The following NMUR1 variants were observed in gnomAD, a reference collection of about 807,000 sequenced individuals.
NMUR1 encodes neuromedin-U receptor 1.
Under a neutral mutation model 18.8 loss-of-function variants are expected in NMUR1, and 16 were observed. That is an observed-to-expected ratio of 0.85 (90% confidence interval 0.58 to 1.29). The LOEUF (loss-of-function observed/expected upper bound fraction) is 1.29, where lower values mean the gene tolerates loss of function less well. NMUR1 is among the 50% of genes most tolerant of loss of function. The pLI is 0.00. For synonymous variants in NMUR1, 258 were observed against 258.2 expected (o/e 1.00, Z 0.01); for missense variants, 529 against 580.3 (o/e 0.91, Z 0.91).
downstream of NMUR1, among the ~76,000 whole-genome samples, chr2:231,522,821 C>A (rs187269170): frequency 3.2e-4 from 49 of 152,308 alleles, no homozygotes; most frequent in East Asian, 6.4e-3. Context: ...CACTCCCCAC[C>A]CCCAGCCTCT....
At chr2:231,519,915 G>A (rs991150632), downstream of NMUR1, among the ~76,000 whole-genome samples, 6 of 152,150 alleles carry the variant, frequency 3.9e-5, no homozygotes, top group African/African-American at 1.4e-4. Flanking sequence ...AACATAGTGA[G>A]ACCCTGTCTC....
downstream of NMUR1, among the ~76,000 whole-genome samples, chr2:231,520,335 G>T (rs1025678174): frequency 1.3e-5 from 2 of 152,234 alleles, no homozygotes; most frequent in African/African-American, 4.8e-5. Context: ...TGCTGTCAGT[G>T]CTGCTGCCCC....
rs1433442030 is a variant in NMUR1, at chr2:231,530,378, G to T, written c.-17C>A. On this transcript the variant is annotated 5_prime_UTR_variant, in exon 1 of 3. Transcript: ENST00000305141. ...ACCTACCATGCGGCCCGCGGCCCGC[G>T]AGACCCCGGCTTCCACCCTCCGAGC... 2 of 1,486,260 alleles carry T rather than the reference G, an allele frequency of 1.3e-6. No individual in the cohort carries two copies. The allele number at this position is 1,486,260 out of a possible 1,614,324, so 92.1% of individuals were successfully genotyped here. A position where few individuals can be genotyped will look rare whatever the true frequency, so the allele number is the denominator to read the frequency against.
Position 231,530,355 on chromosome 2 carries a change from C to T in NMUR1, c.3+4G>A, listed in dbSNP as rs2047402604. On this transcript the variant is annotated splice_donor_region_variant and intron_variant, in intron 1 of 2. Transcript: ENST00000305141. ...CTAGCCCACGCCGGCGCCTGCGCACCTACCATGCGGCCCGCGGCCCGCGAG... is the reference window on the plus strand; with the variant it reads ...CTAGCCCACGCCGGCGCCTGCGCACTTACCATGCGGCCCGCGGCCCGCGAG... The T allele has an allele frequency of 2.0e-6, 3 of 1,491,346 alleles. No individual in the cohort carries two copies. The highest frequency in any genetic ancestry group is 4.4e-5 in the Admixed American group (2 of 45,424). 92.4% of individuals were successfully genotyped at this position (1,491,346 alleles called of 1,614,324 possible).
rs144323176 is a variant in NMUR1, at chr2:231,523,562, C to T, written c.*1481G>A. The T allele has an allele frequency of 2.0e-5, 4 of 195,530 alleles. No homozygotes were observed. Among genetic ancestry groups the T allele is most frequent in the African/African-American group, 2.3e-5 (1 of 43,718 alleles). 12.1% of individuals were successfully genotyped at this position (195,530 alleles called of 1,614,324 possible). A position where few individuals can be genotyped will look rare whatever the true frequency, so the allele number is the denominator to read the frequency against. On this transcript the variant is annotated 3_prime_UTR_variant, in exon 3 of 3. Transcript: ENST00000305141. The stretch of plus-strand genomic sequence containing the variant: ...ACTAAACATCTGCAACCCTGTACCA[C>T]GTCCTCCACTTTCTCGGCAGGGAGC...
In NMUR1 at chr2:231,525,483, C is replaced by T. The variant is rs7557450; in HGVS notation, c.899-58G>A. ...GCCCGAGGCCCCTCAGCTGCCTTCC[C>T]GGGCTTCAGTTTGGGTCACCCATTT... On this transcript the variant is annotated intron_variant, in intron 2 of 2. Transcript: ENST00000305141. The T allele has an allele frequency of 3.7e-3, 5,673 of 1,541,134 alleles. 188 individuals are homozygous for T. The African/African-American group carries it at 0.069, about 19-fold the overall frequency.
At chr2:231,522,371 G>A (rs1156336317), downstream of NMUR1, among the ~76,000 whole-genome samples, 1 of 151,814 alleles carries the variant, frequency 6.6e-6, no homozygotes, top group Admixed American at 6.6e-5. Flanking sequence ...AGGGTGCCTC[G>A]AGCATGAGGT....
At position 231,524,012 on chromosome 2, in the gene NMUR1, C is replaced by T. The variant is rs1398556035; in HGVS notation, c.*1031G>A. The stretch of plus-strand genomic sequence containing the variant: ...GTGGTGGGGTCTGCTTGCATGCTGG[C>T]TTTGCCCCACTTGTGCTGGGAGAGG... On this transcript the variant is annotated 3_prime_UTR_variant, in exon 3 of 3. Transcript: ENST00000305141. 1 of 152,420 alleles carries T rather than the reference C, an allele frequency of 6.6e-6. No homozygotes were observed. The highest frequency in any genetic ancestry group is 1.5e-5 in the Non-Finnish European group (1 of 68,144). The allele number at this position is 152,420 out of a possible 1,614,324, so 9.4% of individuals were successfully genotyped here.
In NMUR1 at chr2:231,528,117, A is replaced by G; in HGVS notation, c.898+6T>C. The stretch of plus-strand genomic sequence containing the variant: ...CTCAGCCCCTCTTCCCAGCCGTGAC[A>G]CTTACACAGCATCTTGGTCACTTGT... On this transcript the variant is annotated splice_donor_region_variant and intron_variant, in intron 2 of 2. Transcript: ENST00000305141. 1.9e-6 allele frequency: 3 copies of G among 1,540,112 alleles called. No homozygotes were observed. The highest frequency in any genetic ancestry group is 2.6e-6 in the Non-Finnish European group (3 of 1,142,190).
At chr2:231,527,444 A>G (rs2047367261) in intron 2 of NMUR1, among the ~76,000 whole-genome samples, 1 of 152,138 alleles carries the variant, frequency 6.6e-6, no homozygotes, top group African/African-American at 2.4e-5. Context: ...GGAGTTCAAG[A>G]TCCGCTCTGG....
intron 1 of NMUR1, among the ~76,000 whole-genome samples, 198 bp downstream of exon 1, chr2:231,530,161 G>A (rs1462471394): frequency 6.6e-6 from 1 of 152,180 alleles, no homozygotes; most frequent in Non-Finnish European, 1.5e-5. Flanking sequence ...CTCGAGGAAG[G>A]GTCGCAAGCC....
chr2:231,518,546 A>G (rs1197861810), downstream of NMUR1, among the ~76,000 whole-genome samples: 4 of 152,244 alleles, frequency 2.6e-5, no homozygotes, highest in African/African-American at 9.6e-5. Context: ...ATATGCAGGA[A>G]AATGATGGAA....
chr2:231,522,233 C>T (rs1396686905), downstream of NMUR1, among the ~76,000 whole-genome samples: 1 of 151,744 alleles, frequency 6.6e-6, no homozygotes. Context: ...GATCCACCTG[C>T]CTTGGCTTCC....
Position 231,530,341 on chromosome 2 carries a change from C to T in NMUR1, c.3+18G>A, listed in dbSNP as rs984813733. The T allele has an allele frequency of 5.4e-6, 8 of 1,494,770 alleles. No individual in the cohort carries two copies. Among genetic ancestry groups the T allele is most frequent in the Non-Finnish European group, 6.2e-6 (7 of 1,129,456 alleles). 92.6% of individuals were successfully genotyped at this position (1,494,770 alleles called of 1,614,324 possible). A position where few individuals can be genotyped will look rare whatever the true frequency, so the allele number is the denominator to read the frequency against. On this transcript the variant is annotated intron_variant, in intron 1 of 2. Transcript: ENST00000305141. ...CCAGCTGCCGCGCCCTAGCCCACGCCGGCGCCTGCGCACCTACCATGCGGC... is the reference window on the plus strand; with the variant it reads ...CCAGCTGCCGCGCCCTAGCCCACGCTGGCGCCTGCGCACCTACCATGCGGC...
rs2047345403 is a variant in NMUR1, at chr2:231,525,334, C to T, written c.990G>A (p.Leu330=). The change falls in exon 3 of 3, where the codon CTG becomes CTA. Residue 330 remains leucine (L), a synonymous_variant. Transcript: ENST00000305141. ...CGTGCACGTGCTGGAAGGCCAGGTGCAGGCCATCTGTCCACTGTGACACGA... is the reference window on the plus strand; with the variant it reads ...CGTGCACGTGCTGGAAGGCCAGGTGTAGGCCATCTGTCCACTGTGACACGA... The part of the protein sequence containing the change: ...WSVVSQWTDG[L]HLAFQHVHVI... The T allele has an allele frequency of 6.2e-7, 1 of 1,613,454 alleles. No individual in the cohort carries two copies.
Position 231,528,821 on chromosome 2 carries a change from T to C in NMUR1, c.200A>G (p.Tyr67Cys). The change falls in exon 2 of 3, where the codon TAC (tyrosine) becomes TGC (cysteine). Residue 67 changes from tyrosine to cysteine, a missense_variant. Physicochemically the swap from Tyr to Cys is radical, Grantham distance 194. Coordinates refer to ENST00000305141, the MANE Select transcript of NMUR1 (RefSeq NM_006056.5). ...AGCGCCCACCACGAAGATCAGCAGG[T>C]ATGTGGCACAGATGGGCATGAACAG... Reference protein sequence around the residue: ...TELFMPICATYLLIFVVGAVG... With the variant: ...TELFMPICATCLLIFVVGAVG... 1 of 1,614,044 alleles carries C rather than the reference T, an allele frequency of 6.2e-7. No individual in the cohort carries two copies. Among genetic ancestry groups the C allele is most frequent in the Non-Finnish European group, 8.5e-7 (1 of 1,180,008 alleles).
Position 231,524,872 on chromosome 2 carries a change from G to A in NMUR1, c.*171C>T. ...GTCAGTGTGAGTCCTCAGCAGTCAG[G>A]GATCCCTCCTCCTGCTGTTTCCCTC... is the stretch of plus-strand genomic sequence containing the variant. On this transcript the variant is annotated 3_prime_UTR_variant, in exon 3 of 3. Transcript: ENST00000305141. 1 of 799,626 alleles carries A rather than the reference G, an allele frequency of 1.3e-6. No homozygotes were observed. Among genetic ancestry groups the A allele is most frequent in the Non-Finnish European group, 1.9e-6 (1 of 536,134 alleles). The allele number at this position is 799,626 out of a possible 1,614,324, so 49.5% of individuals were successfully genotyped here. A position where few individuals can be genotyped will look rare whatever the true frequency, so the allele number is the denominator to read the frequency against.
chr2:231,529,387 G>C (rs985275104), intron 1 of NMUR1, among the ~76,000 whole-genome samples: 8 of 152,120 alleles, frequency 5.3e-5, no homozygotes, highest in African/African-American at 1.4e-4. Flanking sequence ...TTGAACCCAG[G>C]AGACAGAGGT....
At position 231,530,384 on chromosome 2, in the gene NMUR1, C is replaced by T; in HGVS notation, c.-23G>A. The stretch of plus-strand genomic sequence containing the variant: ...CATGCGGCCCGCGGCCCGCGAGACC[C>T]CGGCTTCCACCCTCCGAGCGACGGA... On this transcript the variant is annotated 5_prime_UTR_variant, in exon 1 of 3. Transcript: ENST00000305141. 6.7e-7 allele frequency: 1 copy of T among 1,485,020 alleles called. No individual in the cohort carries two copies. The highest frequency in any genetic ancestry group is 1.3e-5 in the South Asian group (1 of 79,228). 92.0% of individuals were successfully genotyped at this position (1,485,020 alleles called of 1,614,324 possible). A position where few individuals can be genotyped will look rare whatever the true frequency, so the allele number is the denominator to read the frequency against.
Sources: allele counts gnomAD v4.1 joint callset (sites outside exome capture counted in the v4.1 genomes callset), GRCh38; gene constraint gnomAD v4.1.1; transcripts MANE v1.5; gene names NCBI Gene and HGNC (gene_info 2026-07-23, HGNC 2026-07-21).